The following TENM1 variants were observed in gnomAD, a reference collection of about 807,000 sequenced individuals.
TENM1 encodes the protein teneurin-1.
Under a neutral mutation model 174.8 loss-of-function variants are expected in TENM1, and 35 were observed. The observed-to-expected ratio is 0.20, with a 90% CI of 0.15 to 0.27. TENM1 has a LOEUF of 0.27. Among genes scored for constraint, TENM1 ranks in the 10% least tolerant of loss-of-function variants. The probability of loss-of-function intolerance (pLI) is 1.00; values close to 1 mark genes in which losing one functional copy is unlikely to be tolerated. For synonymous variants in TENM1, 781 were observed against 798.7 expected, an observed-to-expected ratio of 0.98 and a Z score of 0.37; for missense variants, 1,633 against 2,130.1, an observed-to-expected ratio of 0.77 and a Z score of 4.59.
At chrX:124,543,830 G>A (rs898925627) in intron 15 of TENM1, among the ~76,000 whole-genome samples, 9 of 112,230 alleles carry the variant, frequency 8.0e-5, no homozygotes, top group Non-Finnish European at 1.7e-4. Flanking sequence ...ACCATCACAC[G>A]GCACAGAACA....
chrX:124,748,476 A>G (rs2053986156), intron 3 of TENM1, among the ~76,000 whole-genome samples: 1 of 111,120 alleles, frequency 9.0e-6, no homozygotes, highest in South Asian at 3.8e-4. Flanking sequence ...TCCTACTTAT[A>G]ACTTACAAAA....
At chrX:124,988,603 A>G in the TENM1 span, among the ~76,000 whole-genome samples, 1 of 111,683 alleles carries the variant, frequency 9.0e-6, no homozygotes, top group Non-Finnish European at 1.9e-5. Flanking sequence ...CACAAGAAAA[A>G]TAATTGTATA....
At chrX:125,119,751 G>A in the TENM1 span, among the ~76,000 whole-genome samples, 7 of 110,999 alleles carry the variant, frequency 6.3e-5, no homozygotes, top group Admixed American at 1.9e-4. Flanking sequence ...TCTAGAATTC[G>A]TGATTCAAAG....
intron 21 of TENM1, among the ~76,000 whole-genome samples, chrX:124,483,060 T>G (rs1040580799): frequency 2.7e-5 from 3 of 112,232 alleles, no homozygotes; most frequent in African/African-American, 9.7e-5. Flanking sequence ...TAGGATGTGT[T>G]TTTGAAATCT....
chrX:124,420,634 C>G, exon 25 of TENM1: 1 of 1,211,479 alleles, frequency 8.3e-7, no homozygotes, highest in Non-Finnish European at 1.1e-6. Flanking sequence ...TTACAGTGAA[C>G]TGGTACAGTT....
At position 124,742,093 on chromosome X, in the gene TENM1, G is replaced by C. The variant is rs2053814085; in HGVS notation, c.536-4896C>G. On this transcript the variant is annotated intron_variant, in intron 3 of 31. Coordinates refer to ENST00000422452, the Ensembl canonical transcript of TENM1. ...TTTCTTGAAAAATTTGACCAAAGTAGATACATGGCTAGCTTTTCTGAAATC... is the reference window on the plus strand; with the variant it reads ...TTTCTTGAAAAATTTGACCAAAGTACATACATGGCTAGCTTTTCTGAAATC... 2.7e-5 allele frequency among the ~76,000 whole-genome samples: 3 copies of C among 111,777 alleles called. No homozygotes were observed. The South Asian group carries it at 1.1e-3, about 42-fold the overall frequency.
chrX:124,802,315 T>C (rs949796237), intron 3 of TENM1, among the ~76,000 whole-genome samples: 1 of 111,806 alleles, frequency 8.9e-6, no homozygotes, highest in Non-Finnish European at 1.9e-5. Context: ...TTTTTGGTGC[T>C]CTTGTTGTTG....
intron 11 of TENM1, among the ~76,000 whole-genome samples, chrX:124,617,029 C>T (rs957173553): frequency 2.7e-5 from 3 of 111,767 alleles, no homozygotes; most frequent in African/African-American, 9.7e-5. Context: ...TGAGATTCCC[C>T]AGGATATGAA....
intron 15 of TENM1, among the ~76,000 whole-genome samples, chrX:124,546,513 T>C (rs2048432712): frequency 8.9e-6 from 1 of 111,977 alleles, no homozygotes. Flanking sequence ...TGGAAACATT[T>C]TTCATCATGA....
intron 22 of TENM1, among the ~76,000 whole-genome samples, chrX:124,475,292 C>T (rs2061375241): frequency 9.0e-6 from 1 of 111,478 alleles, no homozygotes; most frequent in Non-Finnish European, 1.9e-5. Context: ...GGCCGACTTC[C>T]TTCCAGTTTC....
chrX:124,764,697 T>TA, intron 3 of TENM1, among the ~76,000 whole-genome samples: 2 of 107,803 alleles, frequency 1.9e-5, no homozygotes, highest in Admixed American at 2.0e-4. Flanking sequence ...TTTTTTTTTT[T>TA]ACATTGGAAA....
At chrX:124,512,441 G>C (rs1416756886) in intron 18 of TENM1, among the ~76,000 whole-genome samples, 2 of 111,590 alleles carry the variant, frequency 1.8e-5, no homozygotes, top group Non-Finnish European at 3.8e-5. Flanking sequence ...GGGGAGGCTT[G>C]TCTGTGTATC....
the TENM1 span, among the ~76,000 whole-genome samples, chrX:125,081,395 C>T: frequency 9.0e-6 from 1 of 110,777 alleles, no homozygotes; most frequent in African/African-American, 3.3e-5. Flanking sequence ...ATAGTATAGG[C>T]ATCTCAAATT....
At chrX:124,750,611 T>C (rs2054040548) in intron 3 of TENM1, among the ~76,000 whole-genome samples, 1 of 111,918 alleles carries the variant, frequency 8.9e-6, no homozygotes, top group South Asian at 3.7e-4. Context: ...ATTTTTAAAG[T>C]TTTCTGAGGC....
At position 124,653,784 on chromosome X, in the gene TENM1, CT is replaced by C; in HGVS notation, c.1169-2del. 8.3e-7 allele frequency: 1 copy of C among 1,200,743 alleles called. No individual in the cohort carries two copies. The highest frequency in any genetic ancestry group is 1.1e-6 in the Non-Finnish European group (1 of 887,543). On this transcript the variant is annotated splice_acceptor_variant, in intron 6 of 31. Coordinates refer to ENST00000422452, the Ensembl canonical transcript of TENM1. LOFTEE classifies it high-confidence loss of function. ...TCTATCGCCCGTCCCTTCTGAAACA[CT>C]AGTTTTAAAGGTAGAGAAAATTACA...
At chrX:124,726,472 G>A (rs994388499) in intron 4 of TENM1, among the ~76,000 whole-genome samples, 37 of 112,223 alleles carry the variant, frequency 3.3e-4, no homozygotes, top group African/African-American at 1.0e-3. Flanking sequence ...CCCATCATGT[G>A]GTGTAGGCTG....
chrX:124,396,505 T>A (rs752325488), intron 27 of TENM1, among the ~76,000 whole-genome samples: 1 of 109,993 alleles, frequency 9.1e-6, no homozygotes, highest in Non-Finnish European at 1.9e-5. Flanking sequence ...GGTTTCGCCA[T>A]GTTGGCCAGG....
chrX:125,083,970 G>A, the TENM1 span, among the ~76,000 whole-genome samples: 432 of 111,191 alleles, frequency 3.9e-3, 5 homozygotes, highest in African/African-American at 0.013. Context: ...AAGTTTGTAG[G>A]TGAGACCACA....
chrX:125,185,341 G>A, the TENM1 span, among the ~76,000 whole-genome samples: 11 of 112,051 alleles, frequency 9.8e-5, no homozygotes, highest in Admixed American at 4.7e-4. Flanking sequence ...CTCTGCAGAT[G>A]TTCCCATTAG....
Sources: gnomAD v4.1 joint callset for allele counts (sites outside exome capture counted in the v4.1 genomes callset) on GRCh38, gnomAD v4.1.1 for gene constraint, MANE v1.5 for transcripts, NCBI Gene and HGNC (gene_info 2026-07-23, HGNC 2026-07-21) for gene names.